The following LRP11 variants were observed in gnomAD, a reference collection of about 807,000 sequenced individuals.
LRP11 encodes the protein low-density lipoprotein receptor-related protein 11.
Under a neutral mutation model 43.1 loss-of-function variants are expected in LRP11, and 25 were observed. The observed-to-expected ratio is 0.58, with a 90% CI of 0.42 to 0.81. LRP11 has a LOEUF of 0.81. Ranked by LOEUF, LRP11 falls within the 30% of genes least tolerant of loss-of-function variation. LRP11 has a pLI of 0.00. For missense variants in LRP11, 623 were observed against 665.1 expected (o/e 0.94, Z 0.70); for synonymous variants, 316 against 299.4 (o/e 1.06, Z -0.57).
At chr6:149,837,107 A>G (rs73610595) in intron 4 of LRP11, among the ~76,000 whole-genome samples, 3,743 of 152,270 alleles carry the variant, frequency 0.025, 142 homozygotes, top group African/African-American at 0.085. Context: ...GATAGAAAGA[A>G]CCTGGAAAAT....
intron 1 of LRP11, among the ~76,000 whole-genome samples, chr6:149,859,398 T>A (rs13201089): frequency 0.47 from 19,667 of 41,412 alleles, 2,718 homozygotes; most frequent in Middle Eastern, 0.53. Context: ...ATATATATAT[T>A]TTTTTTTTTT....
chr6:149,862,413 C>A (rs1420255760), intron 1 of LRP11, among the ~76,000 whole-genome samples: 3 of 152,184 alleles, frequency 2.0e-5, no homozygotes, highest in South Asian at 2.1e-4. Flanking sequence ...CAATCAAGGT[C>A]TCTTATTCCC....
At chr6:149,839,681 G>A (rs1776520127) in intron 3 of LRP11, among the ~76,000 whole-genome samples, 1 of 152,166 alleles carries the variant, frequency 6.6e-6, no homozygotes. Context: ...TTGAGACGGA[G>A]TCTCGCTGTG....
chr6:149,863,675 T>C lies in LRP11; in HGVS notation c.346A>G (p.Ser116Gly). The change falls in exon 1 of 7, where the codon AGC becomes GGC. Residue 116 changes from serine to glycine, a missense_variant. Coordinates refer to ENST00000239367, the MANE Select transcript of LRP11 (RefSeq NM_032832.6). ...ACGGCCGCCGGCGCCCGCAGGAAGC[T>C]GGCACCCGCCGCCAGGGAGTCCTTG... ...RTKDSLAAGA[S>G]FLRAPAAVRG... The C allele has an allele frequency of 6.8e-7, 1 of 1,475,594 alleles. No homozygotes were observed. Among genetic ancestry groups the C allele is most frequent in the Non-Finnish European group, 8.9e-7 (1 of 1,120,306 alleles). The allele number at this position is 1,475,594 out of a possible 1,614,324, so 91.4% of individuals were successfully genotyped here.
In LRP11 at chr6:149,820,664, G is replaced by A. The variant is rs183376032; in HGVS notation, c.1388C>T (p.Ala463Val). The A allele has an allele frequency of 3.5e-5, 27 of 781,026 alleles. No homozygotes were observed. The East Asian group carries it at 6.5e-4, about 19-fold the overall frequency. The allele number at this position is 781,026 out of a possible 1,614,324, so 48.4% of individuals were successfully genotyped here. ...LPLALGLAIT[A>V]LLLLMVACRL... ...GCATGCAACCATGAGAAGCAGCAGA[G>A]CAGTGATAGCCAAACCCAGCGCCAG... Residue 463 changes from alanine to valine, a missense_variant, in exon 7 of 7, where the codon GCT becomes GTT. Transcript: ENST00000239367.
At chr6:149,838,449 G>A (rs2115386362) in intron 3 of LRP11, among the ~76,000 whole-genome samples, 1 of 151,790 alleles carries the variant, frequency 6.6e-6, no homozygotes, top group South Asian at 2.1e-4. Flanking sequence ...ACTTTGGGAA[G>A]CTAAGGCGGG....
At chr6:149,855,956 G>C (rs191400372) in intron 1 of LRP11, among the ~76,000 whole-genome samples, 1 of 152,194 alleles carries the variant, frequency 6.6e-6, no homozygotes, top group Non-Finnish European at 1.5e-5. Flanking sequence ...AGGAGAGATA[G>C]GACACTTGCA....
chr6:149,843,097 A>G lies in LRP11; in HGVS notation c.799T>C (p.Ser267Pro), dbSNP rs1172502307. The change falls in exon 3 of 7, where the codon TCC becomes CCC. Residue 267 changes from serine (S) to proline (P), a missense_variant. Coordinates refer to ENST00000239367, the MANE Select transcript of LRP11 (RefSeq NM_032832.6). ...GTGTAGGTTCCCTCCTGTAGGTGGG[A>G]CAGCTTCAGGGTTCCTGATTGAGGC... Reference protein sequence around the residue: ...KVPQSGTLKLSHLQEGTYTFQ... With the variant: ...KVPQSGTLKLPHLQEGTYTFQ... The G allele has an allele frequency of 6.2e-7, 1 of 1,614,118 alleles. No homozygotes were observed. Among genetic ancestry groups the G allele is most frequent in the South Asian group, 1.1e-5 (1 of 91,084 alleles).
rs1437082750 is a variant in LRP11 at position 149,820,537 on chromosome 6, G to A, written c.*12C>T. 2 of 778,010 alleles carry A rather than the reference G, an allele frequency of 2.6e-6. No individual in the cohort carries two copies. The highest frequency in any genetic ancestry group is 1.7e-5 in the Admixed American group (1 of 58,680). 48.2% of individuals were successfully genotyped at this position (778,010 alleles called of 1,614,324 possible). Reference sequence around the variant, plus strand: ...AAACATGTCCCTGCCCCAAGGTATTGAAATTACATTACTATAGATACATCC... The same window carrying A: ...AAACATGTCCCTGCCCCAAGGTATTAAAATTACATTACTATAGATACATCC... On this transcript the variant is annotated 3_prime_UTR_variant, in exon 7 of 7. Coordinates refer to ENST00000239367, the MANE Select transcript of LRP11 (RefSeq NM_032832.6).
rs1776571984 is a variant in LRP11, at chr6:149,842,965, G to A, written c.913+18C>T. ...CTTCCACAAGCAGTGGGAAGCGAGGGAAGGACTTTCTTCTCACCTCCTGTG... is the reference window on the plus strand; with the variant it reads ...CTTCCACAAGCAGTGGGAAGCGAGGAAAGGACTTTCTTCTCACCTCCTGTG... On this transcript the variant is annotated intron_variant, in intron 3 of 6. Coordinates refer to ENST00000239367, the MANE Select transcript of LRP11 (RefSeq NM_032832.6). 1 of 1,613,750 alleles carries A rather than the reference G, an allele frequency of 6.2e-7. No individual in the cohort carries two copies. The highest frequency in any genetic ancestry group is 8.5e-7 in the Non-Finnish European group (1 of 1,179,734).
chr6:149,843,146 T>C (rs1776576705), intron 2 of LRP11, 22 bp from the exon 3 acceptor site: 1 of 1,613,848 alleles, frequency 6.2e-7, no homozygotes, highest in Non-Finnish European at 8.5e-7. Context: ...ATGGGACACA[T>C]CACGTCGAGC....
intron 5 of LRP11, among the ~76,000 whole-genome samples, chr6:149,832,673 T>G (rs1235376270): frequency 6.7e-6 from 1 of 149,650 alleles, no homozygotes; most frequent in African/African-American, 2.5e-5. Flanking sequence ...CAGGCTGGAG[T>G]GCAGTGGCGC....
intron 1 of LRP11, among the ~76,000 whole-genome samples, chr6:149,859,890 A>G (rs529320559): frequency 1.3e-5 from 2 of 152,120 alleles, no homozygotes; most frequent in Admixed American, 1.3e-4. Flanking sequence ...TTATGTATGG[A>G]GTAATCTATG....
chr6:149,863,610 C>A lies in LRP11; in HGVS notation c.411G>T (p.Glu137Asp). 6.9e-7 allele frequency: 1 copy of A among 1,458,490 alleles called. No homozygotes were observed. Among genetic ancestry groups the A allele is most frequent in the Non-Finnish European group, 9.0e-7 (1 of 1,112,142 alleles). The allele number at this position is 1,458,490 out of a possible 1,614,324, so 90.3% of individuals were successfully genotyped here. A position where few individuals can be genotyped will look rare whatever the true frequency, so the allele number is the denominator to read the frequency against. Residue 137 changes from glutamate to aspartate, a missense_variant, in exon 1 of 7, where the codon GAG becomes GAT. Physicochemically the swap from Glu to Asp is conservative, Grantham distance 45. Coordinates refer to ENST00000239367, the MANE Select transcript of LRP11 (RefSeq NM_032832.6). ...CCACCACGGCCACGGAGCAGCGCGG[C>A]TCGGAGCAGCAGGCCGCCACGCATT... is the stretch of plus-strand genomic sequence containing the variant. ...WRQCVAACCS[E>D]PRCSVAVVEL...
At chr6:149,857,198 C>T (rs186194729) in intron 1 of LRP11, among the ~76,000 whole-genome samples, 7 of 152,220 alleles carry the variant, frequency 4.6e-5, no homozygotes, top group Non-Finnish European at 8.8e-5. Context: ...GGGCATAGGC[C>T]GAACTAATTT....
intron 3 of LRP11, among the ~76,000 whole-genome samples, chr6:149,839,019 CA>C (rs1776510052): frequency 6.6e-6 from 1 of 150,986 alleles, no homozygotes; most frequent in African/African-American, 2.4e-5. Flanking sequence ...GCACAGTTCA[CA>C]AACCCAAGTG....
chr6:149,831,672 CAT>C (rs1318053751), intron 5 of LRP11, among the ~76,000 whole-genome samples: 2 of 152,180 alleles, frequency 1.3e-5, no homozygotes, highest in Non-Finnish European at 2.9e-5. Context: ...TCAAAGCACA[CAT>C]AGTTTTGTTT....
intron 3 of LRP11, among the ~76,000 whole-genome samples, chr6:149,837,906 G>T (rs140967651): frequency 7.2e-5 from 11 of 152,268 alleles, no homozygotes; most frequent in Non-Finnish European, 8.8e-5. Flanking sequence ...TTTTAACAGA[G>T]ATACCATTTA....
rs779375897 is a variant in LRP11 at position 149,843,048 on chromosome 6, G to A, written c.848C>T (p.Thr283Ile). The A allele has an allele frequency of 6.2e-7, 1 of 1,614,236 alleles. No homozygotes were observed. Among genetic ancestry groups the A allele is most frequent in the Non-Finnish European group, 8.5e-7 (1 of 1,180,040 alleles). ...TYTFQLTVTD[T>I]AGQRSSDNVS... ...GTTGTCAGAGCTTCTCTGCCCGGCA[G>A]TGTCCGTCACGGTCAGCTGGAAGGT... Residue 283 changes from threonine to isoleucine, a missense_variant, in exon 3 of 7, where the codon ACT becomes ATT. Physicochemically the swap from Thr to Ile is moderately conservative, Grantham distance 89. Transcript: ENST00000239367.
Sources: allele counts gnomAD v4.1 joint callset (sites outside exome capture counted in the v4.1 genomes callset), GRCh38; gene constraint gnomAD v4.1.1; transcripts MANE v1.5; gene names NCBI Gene and HGNC (gene_info 2026-07-23, HGNC 2026-07-21).